The following UGT2B7 variants were observed in gnomAD, a reference collection of about 807,000 sequenced individuals.
The protein encoded by UGT2B7 is UDP glucuronosyltransferase family 2 member B7, also known as UDP-glucuronosyltransferase 2B7.
UGT2B7 carries 51 observed loss-of-function variants against 51.9 expected under a neutral mutation model. The ratio of observed to expected loss-of-function variants is 0.98; its 90% CI spans 0.78 to 1.24. The LOEUF (loss-of-function observed/expected upper bound fraction) is 1.24, where lower values mean the gene tolerates loss of function less well. Ranked by LOEUF, UGT2B7 falls within the 50% of genes most tolerant of loss-of-function variation. The pLI, the probability that UGT2B7 is intolerant of heterozygous loss-of-function variation, is 0.00. For missense variants in UGT2B7, 727 were observed against 628.4 expected (o/e 1.16, Z -1.68); for synonymous variants, 225 against 211.6 (o/e 1.06, Z -0.55).
At chr4:69,087,411 T>C (rs1183046612) in intron 1 of UGT2B7, among the ~76,000 whole-genome samples, 1 of 151,966 alleles carries the variant, frequency 6.6e-6, no homozygotes, top group Non-Finnish European at 1.5e-5. Context: ...ATTGTAGTTA[T>C]GATTTTCTTT....
intron 1 of UGT2B7, among the ~76,000 whole-genome samples, chr4:69,075,923 A>G (rs6600868): frequency 0.46 from 69,233 of 151,298 alleles, 17,334 homozygotes; most frequent in African/African-American, 0.66. Flanking sequence ...ATGCTATTCC[A>G]CCCCTAGCCC....
upstream of UGT2B7, chr4:69,096,457 A>G: frequency 6.2e-7 from 1 of 1,604,852 alleles, no homozygotes; most frequent in Non-Finnish European, 8.5e-7. Context: ...TTATCTTTGG[A>G]CATAACCATG....
chr4:69,111,509 A>C (rs753478104), intron 5 of UGT2B7, among the ~76,000 whole-genome samples: 12 of 152,146 alleles, frequency 7.9e-5, no homozygotes, highest in Non-Finnish European at 1.6e-4. Context: ...TTCTCATAGC[A>C]CTTAAAAGGG....
rs1577908380 is a variant in UGT2B7 at position 69,064,022 on chromosome 4, A to AAGAAAGAAAGAAAGAC, written c.-159+12435_-159+12436insCAGAAAGAAAGAAAGA. Reference sequence around the variant, plus strand: ...CATCAAAGGGGAAGATGAGATGGGAAAGAAAGAAAGAAAGAAAGAAAGAAA... The same window carrying AAGAAAGAAAGAAAGAC: ...CATCAAAGGGGAAGATGAGATGGGAAAGAAAGAAAGAAAGACAGAAAGAAAGAAAGAAAGAAAGAAA... On this transcript the variant is annotated intron_variant, in intron 1 of 5. Coordinates refer to the UGT2B7 transcript ENST00000502942. Among the ~76,000 whole-genome samples, 86 of 37,424 alleles carry AAGAAAGAAAGAAAGAC rather than the reference A, an allele frequency of 2.3e-3. 3 individuals are homozygous for AAGAAAGAAAGAAAGAC. The highest frequency in any genetic ancestry group is 5.8e-3 in the African/African-American group (42 of 7,266). The allele number at this position is 37,424 out of a possible 152,430, so 24.6% of individuals were successfully genotyped here.
intron 5 of UGT2B7, among the ~76,000 whole-genome samples, chr4:69,109,954 A>T (rs1719724913): frequency 6.6e-6 from 1 of 152,080 alleles, no homozygotes; most frequent in South Asian, 2.1e-4. Flanking sequence ...ATTGAAAAAG[A>T]ACACAAACCA....
chr4:69,108,921 T>C (rs1719692642), intron 5 of UGT2B7, among the ~76,000 whole-genome samples: 2 of 152,090 alleles, frequency 1.3e-5, no homozygotes, highest in South Asian at 4.1e-4. Context: ...CGCTTAGCCC[T>C]GGTCTAACTA....
chr4:69,084,750 G>A (rs1445508080), intron 1 of UGT2B7, among the ~76,000 whole-genome samples: 1 of 152,140 alleles, frequency 6.6e-6, no homozygotes, highest in Non-Finnish European at 1.5e-5. Context: ...AGTTTGCTGA[G>A]AATGATGGTT....
At chr4:69,063,115 C>A (rs924575093) in intron 1 of UGT2B7, among the ~76,000 whole-genome samples, 2 of 151,428 alleles carry the variant, frequency 1.3e-5, no homozygotes, top group Non-Finnish European at 2.9e-5. Flanking sequence ...GTCAGGAGAT[C>A]GAGACCATCC....
rs1168636968 is a variant in UGT2B7 at position 69,098,664 on chromosome 4, CA to C, written c.849del (p.Lys283AsnfsTer34). 6.2e-7 allele frequency: 1 copy of C among 1,610,916 alleles called. No homozygotes were observed. Among genetic ancestry groups the C allele is most frequent in the Admixed American group, 1.7e-5 (1 of 59,158 alleles). On this transcript the variant is annotated frameshift_variant, in exon 2 of 6. Transcript: ENST00000305231. LOFTEE classifies it high-confidence loss of function. The part of the protein sequence containing the change: ...NVDFVGGLHC[K>X]PAKPLPKEME... ...TTGATTTTGTTGGAGGACTCCACTGCAAACCTGCCAAACCCCTGCCTAAGGT... is the reference window on the plus strand; with the variant it reads ...TTGATTTTGTTGGAGGACTCCACTGCAACCTGCCAAACCCCTGCCTAAGGT...
At chr4:69,071,953 A>G (rs1718611295) in intron 1 of UGT2B7, among the ~76,000 whole-genome samples, 1 of 152,072 alleles carries the variant, frequency 6.6e-6, no homozygotes. Context: ...ACTTCTGAAA[A>G]TGCATCAAGG....
intron 4 of UGT2B7, among the ~76,000 whole-genome samples, chr4:69,107,534 T>C (rs1444737436): frequency 6.6e-6 from 1 of 152,140 alleles, no homozygotes; most frequent in African/African-American, 2.4e-5. Flanking sequence ...TCCTGGGCTG[T>C]CTCTCTGTCT....
At chr4:69,080,704 C>G (rs969161236) in intron 1 of UGT2B7, among the ~76,000 whole-genome samples, 9 of 152,064 alleles carry the variant, frequency 5.9e-5, no homozygotes, top group Non-Finnish European at 1.2e-4. Flanking sequence ...TGAAGCATAG[C>G]TTCATCTGAA....
rs1460561131 is a variant in UGT2B7 at position 69,106,099 on chromosome 4, T to C, written c.1003-1076T>C. Reference sequence around the variant, plus strand: ...TTAATTTTAAAAAATTAAATTAATTTAACTTTTATTTGTAACTTTTATTTT... The same window carrying C: ...TTAATTTTAAAAAATTAAATTAATTCAACTTTTATTTGTAACTTTTATTTT... On this transcript the variant is annotated intron_variant, in intron 3 of 5. Transcript: ENST00000305231. Among the ~76,000 whole-genome samples, 4 of 152,196 alleles carry C rather than the reference T, an allele frequency of 2.6e-5. No individual in the cohort carries two copies. The East Asian group carries it at 7.7e-4, about 29-fold the overall frequency.
intron 3 of UGT2B7, 74 bp downstream of exon 3, chr4:69,103,012 G>A: frequency 6.4e-7 from 1 of 1,559,566 alleles, no homozygotes. Flanking sequence ...TCCAATTATA[G>A]AAACTTCTGA....
chr4:69,056,809 A>T (rs1718214262), intron 1 of UGT2B7, among the ~76,000 whole-genome samples: 1 of 152,216 alleles, frequency 6.6e-6, no homozygotes, highest in South Asian at 2.1e-4. Flanking sequence ...TAACAAAAAT[A>T]AGAGTGAGAA....
intron 1 of UGT2B7, among the ~76,000 whole-genome samples, chr4:69,054,318 G>T (rs1054536443): frequency 6.6e-6 from 1 of 151,878 alleles, no homozygotes; most frequent in Non-Finnish European, 1.5e-5. Flanking sequence ...GTTTCCAAAG[G>T]CTGGCCCCCA....
At chr4:69,104,022 C>T (rs1484725457) in intron 3 of UGT2B7, among the ~76,000 whole-genome samples, 1 of 152,140 alleles carries the variant, frequency 6.6e-6, no homozygotes, top group Non-Finnish European at 1.5e-5. Context: ...GGCACGGTAG[C>T]TCACGCCTGT....
chr4:69,064,709 T>C (rs757175515), intron 1 of UGT2B7, among the ~76,000 whole-genome samples: 7 of 152,198 alleles, frequency 4.6e-5, no homozygotes, highest in Non-Finnish European at 1.0e-4. Context: ...AATCTCTGGA[T>C]GTTAAGTCAG....
chr4:69,109,434 G>C (rs1356003349), intron 5 of UGT2B7, among the ~76,000 whole-genome samples: 5 of 151,926 alleles, frequency 3.3e-5, no homozygotes, highest in African/African-American at 1.2e-4. Context: ...CTTCTTAGTG[G>C]GTGTAAAATG....
Sources: gnomAD v4.1 joint callset for allele counts (sites outside exome capture counted in the v4.1 genomes callset) on GRCh38, gnomAD v4.1.1 for gene constraint, MANE v1.5 for transcripts, NCBI Gene and HGNC (gene_info 2026-07-23, HGNC 2026-07-21) for gene names.